VEZT: variants seen among roughly 807,000 people sequenced by gnomAD.
VEZT encodes vezatin, adherens junctions transmembrane protein.
VEZT carries 39 observed loss-of-function variants against 79.9 expected under a neutral mutation model. The observed-to-expected ratio is 0.49, with a 90% confidence interval of 0.38 to 0.64. The LOEUF (loss-of-function observed/expected upper bound fraction) is 0.64, where lower values mean the gene tolerates loss of function less well. VEZT is among the 30% of genes least tolerant of loss of function. VEZT has a pLI of 0.00. For missense variants in VEZT, 837 were observed against 893.1 expected (o/e 0.94, Z 0.80); for synonymous variants, 325 against 327.6 (o/e 0.99, Z 0.09).
At chr12:95,265,878 G>A (rs17023860) in intron 4 of VEZT, among the ~76,000 whole-genome samples, 16,884 of 152,148 alleles carry the variant, frequency 0.11, 1,362 homozygotes, top group African/African-American at 0.23. Context: ...GGGCTGGGAT[G>A]CTGATCTGAC....
rs2075067035 is a variant in VEZT, at chr12:95,300,435, A to T, written c.2102A>T (p.Gln701Leu). ...CAATGTGAGAGTGAAGATGAACCAC[A>T]AGCAGATGGAAGTGGTCTGACCACT... ...CYQCESEDEP[Q>L]ADGSGLTTAP... is the part of the protein sequence containing the mutation. Residue 701 changes from glutamine (Q) to leucine (L), a missense_variant, in exon 12 of 12, where the codon CAA (glutamine) becomes CTA (leucine). Transcript: ENST00000436874. 6.2e-7 allele frequency: 1 copy of T among 1,614,008 alleles called. No homozygotes were observed. The highest frequency in any genetic ancestry group is 2.2e-5 in the East Asian group (1 of 44,884).
chr12:95,272,710 AGTATAT>A (rs1463842622), intron 6 of VEZT, among the ~76,000 whole-genome samples: 3 of 152,356 alleles, frequency 2.0e-5, no homozygotes, highest in South Asian at 2.1e-4. Context: ...GTAAGGGGAT[AGTATAT>A]GCAGCTGCAC....
intron 1 of VEZT, among the ~76,000 whole-genome samples, chr12:95,234,359 C>A (rs1217859375): frequency 1.3e-5 from 2 of 149,132 alleles, no homozygotes; most frequent in African/African-American, 5.0e-5. Context: ...GCGATCTGGG[C>A]TCACCGCAAC....
chr12:95,265,856 G>A (rs1349104947), intron 4 of VEZT, among the ~76,000 whole-genome samples: 1 of 152,138 alleles, frequency 6.6e-6, no homozygotes, highest in South Asian at 2.1e-4. Context: ...GGTTTACAAT[G>A]CTTGGAGTTG....
At chr12:95,247,161 T>A (rs2061836179) in intron 1 of VEZT, among the ~76,000 whole-genome samples, 1 of 152,216 alleles carries the variant, frequency 6.6e-6, no homozygotes, top group African/African-American at 2.4e-5. Context: ...CATGTGTGTA[T>A]ACAGAGTACA....
At chr12:95,237,662 A>T (rs953977580) in intron 1 of VEZT, among the ~76,000 whole-genome samples, 6 of 152,146 alleles carry the variant, frequency 3.9e-5, no homozygotes, top group South Asian at 2.1e-4. Flanking sequence ...TATCTTGTTC[A>T]TGTTGGTGTC....
chr12:95,295,407 G>A (rs1166827553), intron 10 of VEZT, among the ~76,000 whole-genome samples: 1 of 152,174 alleles, frequency 6.6e-6, no homozygotes, highest in Non-Finnish European at 1.5e-5. Flanking sequence ...TGATCCGCCT[G>A]CCTCAGCCTC....
At chr12:95,267,454 T>C (rs924929564) in intron 5 of VEZT, among the ~76,000 whole-genome samples, 1 of 152,188 alleles carries the variant, frequency 6.6e-6, no homozygotes, top group Non-Finnish European at 1.5e-5. Flanking sequence ...TGGGGGAAAG[T>C]AAGCATATGG....
Position 95,264,963 on chromosome 12 carries a change from G to A in VEZT, c.435-1394G>A, listed in dbSNP as rs140514024. Among the ~76,000 whole-genome samples the A allele has an allele frequency of 5.4e-3, 790 of 146,358 alleles. 7 individuals carry two copies. The highest frequency in any genetic ancestry group is 0.022 in the Middle Eastern group (6 of 272). The stretch of plus-strand genomic sequence containing the variant: ...TCTCGGCTTACTGCAGCCTGCTCAA[G>A]TGATCCCTCCGCCTCAGCCTCCGAA... On this transcript the variant is annotated intron_variant, in intron 4 of 11. Transcript: ENST00000436874.
intron 1 of VEZT, among the ~76,000 whole-genome samples, chr12:95,240,050 AAGGAAGGAAGGAAGGAAGGAAGG>A (rs1566040510): frequency 4.4e-5 from 6 of 137,474 alleles, no homozygotes; most frequent in Non-Finnish European, 9.5e-5. Flanking sequence ...GGAAGGAAGG[AAGGAAGGAAGGAAGGAAGGAAGG>A]AAGAAAAGAA....
chr12:95,220,654 T>C lies in VEZT; in HGVS notation c.36+2768T>C, dbSNP rs540031251. On this transcript the variant is annotated intron_variant, in intron 1 of 11. Transcript: ENST00000436874. ...TCTTATTTCTGACTTTTTTTTTTCC[T>C]CTCTGGCTTTATTTGTGAGATTCGT... Among the ~76,000 whole-genome samples, 7 of 152,270 alleles carry C rather than the reference T, an allele frequency of 4.6e-5. No individual in the cohort carries two copies. The South Asian group carries it at 1.5e-3, about 32-fold the overall frequency.
intron 2 of VEZT, chr12:95,256,471 A>G (rs2063505042): frequency 2.7e-6 from 2 of 739,428 alleles, no homozygotes; most frequent in Non-Finnish European, 3.8e-6. Flanking sequence ...GTAATTCTTT[A>G]TATTGTCTCT....
intron 4 of VEZT, among the ~76,000 whole-genome samples, chr12:95,264,025 T>C (rs987107541): frequency 5.3e-5 from 8 of 152,222 alleles, no homozygotes; most frequent in African/African-American, 1.9e-4. Context: ...TTTATTAAAT[T>C]TGACATAGAA....
intron 1 of VEZT, among the ~76,000 whole-genome samples, chr12:95,230,123 AC>A (rs1469743919): frequency 6.1e-4 from 93 of 151,486 alleles, no homozygotes; most frequent in African/African-American, 2.0e-3. Context: ...AAAAAAAAAA[AC>A]GAAGTGTACT....
intron 1 of VEZT, among the ~76,000 whole-genome samples, chr12:95,233,822 G>GT (rs1233236350): frequency 6.6e-6 from 1 of 152,046 alleles, no homozygotes. Flanking sequence ...CATTTTGTGG[G>GT]TTTTTTAAAA....
At chr12:95,283,378 C>T (rs1398733771) in intron 8 of VEZT, among the ~76,000 whole-genome samples, 1 of 152,138 alleles carries the variant, frequency 6.6e-6, no homozygotes, top group Non-Finnish European at 1.5e-5. Context: ...GTTAAATACT[C>T]ATCGTGTAGG....
At chr12:95,246,789 TTA>T (rs770858299) in intron 1 of VEZT, among the ~76,000 whole-genome samples, 2 of 152,168 alleles carry the variant, frequency 1.3e-5, no homozygotes, top group East Asian at 3.8e-4. Flanking sequence ...TACTTCGAAA[TTA>T]TAGTTTGAAT....
At chr12:95,294,078 G>T in intron 9 of VEZT, 194 bp from the exon 10 acceptor site, 1 of 476,972 alleles carries the variant, frequency 2.1e-6, no homozygotes. Context: ...TTTTTGTAGC[G>T]ACAGAGTCTT....
intron 6 of VEZT, among the ~76,000 whole-genome samples, chr12:95,274,281 A>G (rs1017428898): frequency 2.6e-5 from 4 of 152,166 alleles, no homozygotes; most frequent in African/African-American, 7.2e-5. Context: ...CCTGGACAAC[A>G]TGGCAAAACA....
Sources: gnomAD v4.1 joint callset for allele counts (sites outside exome capture counted in the v4.1 genomes callset) on GRCh38, gnomAD v4.1.1 for gene constraint, MANE v1.5 for transcripts, NCBI Gene and HGNC (gene_info 2026-07-23, HGNC 2026-07-21) for gene names.